Variants in HACD2 observed in about 807,000 individuals in gnomAD.
The protein encoded by HACD2 is 3-hydroxyacyl-CoA dehydratase 2.
Under a neutral mutation model 31.0 loss-of-function variants are expected in HACD2, and 15 were observed. That is an observed-to-expected ratio of 0.48 (90% CI 0.32 to 0.75). The LOEUF is 0.75. HACD2 is among the 30% of genes least tolerant of loss of function. The pLI, the probability that HACD2 is intolerant of heterozygous loss-of-function variation, is 0.03. For synonymous variants in HACD2, 115 were observed against 122.2 expected, an observed-to-expected ratio of 0.94 and a Z score of 0.39; for missense variants, 283 against 313.0, an observed-to-expected ratio of 0.90 and a Z score of 0.72.
intron 3 of HACD2, among the ~76,000 whole-genome samples, chr3:123,535,707 T>C (rs918612607): frequency 6.6e-6 from 1 of 152,196 alleles, no homozygotes; most frequent in Non-Finnish European, 1.5e-5. Flanking sequence ...AGCCACCTCA[T>C]CCATGCTGAG....
intron 3 of HACD2, among the ~76,000 whole-genome samples, chr3:123,535,533 A>T (rs1334675873): frequency 1.3e-5 from 2 of 152,246 alleles, no homozygotes; most frequent in African/African-American, 2.4e-5. Context: ...CAAGAAAGAG[A>T]TTATGGCACA....
At chr3:123,557,201 A>G (rs1422936899) in intron 3 of HACD2, among the ~76,000 whole-genome samples, 1 of 152,242 alleles carries the variant, frequency 6.6e-6, no homozygotes. Context: ...TCATAGGAGC[A>G]TGAACCCTAG....
intron 4 of HACD2, among the ~76,000 whole-genome samples, chr3:123,510,942 T>G (rs1369078525): frequency 8.3e-5 from 12 of 144,600 alleles, no homozygotes; most frequent in Admixed American, 3.4e-4. Flanking sequence ...GTTTTTTTTT[T>G]TTGTTTTTTT....
chr3:123,521,913 T>C (rs1463934124), intron 4 of HACD2, among the ~76,000 whole-genome samples: 4 of 152,164 alleles, frequency 2.6e-5, no homozygotes, highest in African/African-American at 9.7e-5. Context: ...CATCAGGGGA[T>C]ATTACATTTT....
intron 4 of HACD2, among the ~76,000 whole-genome samples, chr3:123,506,584 C>T (rs183427932): frequency 2.6e-5 from 4 of 152,226 alleles, no homozygotes; most frequent in Admixed American, 1.3e-4. Context: ...TGTGTGCCAC[C>T]ACACCCAGCT....
intron 2 of HACD2, among the ~76,000 whole-genome samples, chr3:123,573,574 TA>T (rs1489569756): frequency 1.2e-4 from 18 of 152,322 alleles, no homozygotes; most frequent in African/African-American, 4.1e-4. Context: ...GTGGTGAGTC[TA>T]ACTGTGGAGT....
intron 3 of HACD2, among the ~76,000 whole-genome samples, chr3:123,565,430 C>T (rs1004407703): frequency 1.3e-5 from 2 of 151,864 alleles, no homozygotes; most frequent in African/African-American, 4.8e-5. Context: ...GGGTTAGTGC[C>T]CTTATAAAAG....
At chr3:123,584,517 C>T in intron 1 of HACD2, 1 of 200,816 alleles carries the variant, frequency 5.0e-6, no homozygotes. Flanking sequence ...CGAATCTGGC[C>T]GCCCAGGACG....
In HACD2 at chr3:123,494,297, T is replaced by G. The variant is rs1030744070; in HGVS notation, c.*591A>C. ...AAAAGGGTTCTAAGTTGTTTTCTGA[T>G]TACAGGCACTACCCCGAAGCTTCAT... On this transcript the variant is annotated 3_prime_UTR_variant, in exon 7 of 7. Coordinates refer to ENST00000383657, the MANE Select transcript of HACD2 (RefSeq NM_198402.5). 1 of 152,818 alleles carries G rather than the reference T, an allele frequency of 6.5e-6. No individual in the cohort carries two copies. Among genetic ancestry groups the G allele is most frequent in the Non-Finnish European group, 1.5e-5 (1 of 68,558 alleles). The allele number at this position is 152,818 out of a possible 1,614,324, so 9.5% of individuals were successfully genotyped here. A position where few individuals can be genotyped will look rare whatever the true frequency, so the allele number is the denominator to read the frequency against.
At chr3:123,531,414 G>C (rs1302493241) in intron 3 of HACD2, among the ~76,000 whole-genome samples, 2 of 152,048 alleles carry the variant, frequency 1.3e-5, no homozygotes, top group African/African-American at 4.8e-5. Context: ...CCGCCTCCCA[G>C]GTTCAAGTGA....
chr3:123,539,469 C>T (rs1016154004), intron 3 of HACD2, among the ~76,000 whole-genome samples: 1 of 151,934 alleles, frequency 6.6e-6, no homozygotes, highest in African/African-American at 2.4e-5. Context: ...ACTCGGGAGG[C>T]TGAGGCACAA....
intron 3 of HACD2, among the ~76,000 whole-genome samples, chr3:123,535,750 T>C (rs1217719234): frequency 6.6e-6 from 1 of 152,236 alleles, no homozygotes; most frequent in African/African-American, 2.4e-5. Context: ...CGGAGACTGA[T>C]ATAAAATTCT....
chr3:123,543,703 T>TTATAACAATG (rs771386565), intron 3 of HACD2: 10 of 419,482 alleles, frequency 2.4e-5, no homozygotes, highest in African/African-American at 1.9e-4. Context: ...GCCACTCGAA[T>TTATAACAATG]TATAACAATG....
rs533758408 is a variant in HACD2, at chr3:123,550,289, T to C, written c.292+17473A>G. Among the ~76,000 whole-genome samples, 9 of 152,252 alleles carry C rather than the reference T, an allele frequency of 5.9e-5. No homozygotes were observed. The East Asian group carries it at 1.7e-3, about 29-fold the overall frequency. ...AACAGGCGCAGGATCAAGATTGGTA[T>C]CTGCGCAGTGAGGACTGAAGAGAAT... On this transcript the variant is annotated intron_variant, in intron 3 of 6. Transcript: ENST00000383657.
At chr3:123,526,643 A>ATTCATTG (rs2056287826) in intron 4 of HACD2, among the ~76,000 whole-genome samples, 1 of 152,166 alleles carries the variant, frequency 6.6e-6, no homozygotes, top group Admixed American at 6.5e-5. Context: ...AGTATATAAC[A>ATTCATTG]AATTACTGTA....
At chr3:123,574,304 G>T (rs2056885927) in intron 2 of HACD2, among the ~76,000 whole-genome samples, 1 of 152,160 alleles carries the variant, frequency 6.6e-6, no homozygotes, top group South Asian at 2.1e-4. Flanking sequence ...TGCTTTTCTT[G>T]ACACTTGGTC....
At chr3:123,495,066 C>T in intron 6 of HACD2, 96 bp from the exon 7 acceptor site, 1 of 731,738 alleles carries the variant, frequency 1.4e-6, no homozygotes, top group Non-Finnish European at 2.2e-6. Flanking sequence ...GACCCTCTGA[C>T]TAATTTCTCA....
Position 123,494,848 on chromosome 3 carries a change from T to C in HACD2, c.*40A>G, listed in dbSNP as rs372862160. 61 of 1,319,786 alleles carry C rather than the reference T, an allele frequency of 4.6e-5. No individual in the cohort carries two copies. The highest frequency in any genetic ancestry group is 1.2e-4 in the Admixed American group (6 of 48,590). 81.8% of individuals were successfully genotyped at this position (1,319,786 alleles called of 1,614,324 possible). A position where few individuals can be genotyped will look rare whatever the true frequency, so the allele number is the denominator to read the frequency against. The stretch of plus-strand genomic sequence containing the variant: ...AAAAATCTGCAGCATTTTTTGATCA[T>C]TGAAAAGTTTGTTTTGGTGGGAGGT... On this transcript the variant is annotated 3_prime_UTR_variant, in exon 7 of 7. Transcript: ENST00000383657.
chr3:123,526,692 T>C (rs1349798688), intron 4 of HACD2, among the ~76,000 whole-genome samples: 2 of 152,220 alleles, frequency 1.3e-5, no homozygotes, highest in Admixed American at 6.5e-5. Flanking sequence ...CCGTCTGTTA[T>C]ATGTTAAGTC....
Sources: gnomAD v4.1 joint callset for allele counts (sites outside exome capture counted in the v4.1 genomes callset) on GRCh38, gnomAD v4.1.1 for gene constraint, MANE v1.5 for transcripts, NCBI Gene and HGNC (gene_info 2026-07-23, HGNC 2026-07-21) for gene names.